Variants in GXYLT1 observed in about 807,000 individuals in gnomAD.
GXYLT1 encodes the protein glucoside xylosyltransferase 1, also known as glycosyltransferase 8 domain containing 3.
A neutral mutation model predicts 54.0 loss-of-function variants in GXYLT1; 29 were observed. The ratio of observed to expected loss-of-function variants is 0.54; its 90% CI spans 0.40 to 0.73. The LOEUF (loss-of-function observed/expected upper bound fraction) is 0.73, where lower values mean the gene tolerates loss of function less well. Ranked by LOEUF, GXYLT1 falls within the 30% of genes least tolerant of loss-of-function variation. GXYLT1 has a pLI of 0.00. For synonymous variants in GXYLT1, 176 were observed against 204.1 expected (o/e 0.86, Z 1.17); for missense variants, 490 against 553.4 (o/e 0.89, Z 1.15).
At chr12:42,109,142 T>C (rs2065437389) in intron 4 of GXYLT1, among the ~76,000 whole-genome samples, 1 of 152,202 alleles carries the variant, frequency 6.6e-6, no homozygotes, top group South Asian at 2.1e-4. Context: ...ATTGGCTTGG[T>C]ATAAGACACA....
intron 2 of GXYLT1, among the ~76,000 whole-genome samples, chr12:42,126,006 G>A (rs555288520): frequency 3.0e-4 from 45 of 151,560 alleles, no homozygotes; most frequent in South Asian, 8.4e-4. Flanking sequence ...CAGCCTGGGC[G>A]ACAAAGTGAG....
chr12:42,119,079 G>A lies in GXYLT1; in HGVS notation c.407C>T (p.Ser136Leu). 1.2e-6 allele frequency: 2 copies of A among 1,613,944 alleles called. No individual in the cohort carries two copies. The highest frequency in any genetic ancestry group is 1.7e-6 in the Non-Finnish European group (2 of 1,179,762). The change falls in exon 3 of 8, where the codon TCA becomes TTA. Residue 136 changes from serine (S) to leucine (L), a missense_variant. Physicochemically the swap from Ser to Leu is moderately radical, Grantham distance 145. This residue lies in a region of GXYLT1 where 148 missense variants were observed against 210.7 expected (regional missense o/e 0.70). Transcript: ENST00000398675. Reference protein sequence around the residue: ...RLEETMTMLKSAIIFSIKPLQ... With the variant: ...RLEETMTMLKLAIIFSIKPLQ... ...AGGTTTGATGCTGAAAATGATAGCTGACTTCAACATGGTCATAGTTTCTTC... is the reference window on the plus strand; with the variant it reads ...AGGTTTGATGCTGAAAATGATAGCTAACTTCAACATGGTCATAGTTTCTTC...
chr12:42,129,891 T>C (rs1402180003), intron 1 of GXYLT1, 40 bp from the exon 2 acceptor site: 1 of 1,379,196 alleles, frequency 7.3e-7, no homozygotes, highest in Non-Finnish European at 1.0e-6. Context: ...TGTGTGAGTA[T>C]TTTGGTTTGG....
rs2065365149 is a variant in GXYLT1, at chr12:42,097,840, A to ATTTTCCTTATC, written c.988+69_988+70insGATAAGGAAAA. Reference sequence around the variant, plus strand: ...ATATAAGACAGAATCAGATAAGTGCATGTTTTCCTTTTTCACTAAGTATTA... The same window carrying ATTTTCCTTATC: ...ATATAAGACAGAATCAGATAAGTGCATTTTCCTTATCTGTTTTCCTTTTTCACTAAGTATTA... On this transcript the variant is annotated intron_variant, in intron 6 of 7. Coordinates refer to ENST00000398675, the MANE Select transcript of GXYLT1 (RefSeq NM_173601.2). 2.5e-6 allele frequency: 3 copies of ATTTTCCTTATC among 1,187,760 alleles called. No homozygotes were observed. The East Asian group carries it at 7.1e-5, about 28-fold the overall frequency. 73.6% of individuals were successfully genotyped at this position (1,187,760 alleles called of 1,614,324 possible).
At chr12:42,116,231 A>G (rs1224673647) in intron 3 of GXYLT1, among the ~76,000 whole-genome samples, 1 of 152,084 alleles carries the variant, frequency 6.6e-6, no homozygotes, top group Non-Finnish European at 1.5e-5. Flanking sequence ...CAAGGACTTC[A>G]TGTCTAAAAC....
chr12:42,122,574 A>G (rs11181340), intron 2 of GXYLT1, among the ~76,000 whole-genome samples: 22,382 of 152,208 alleles, frequency 0.15, 1,756 homozygotes, highest in South Asian at 0.22. Flanking sequence ...TGGGCAACAG[A>G]GCGAGACTCT....
intron 3 of GXYLT1, among the ~76,000 whole-genome samples, chr12:42,110,539 A>ATTATT (rs1282718718): frequency 6.6e-6 from 1 of 152,126 alleles, no homozygotes; most frequent in Non-Finnish European, 1.5e-5. Context: ...GGTGTCTCTG[A>ATTATT]TTATTTTATT....
intron 2 of GXYLT1, among the ~76,000 whole-genome samples, chr12:42,124,524 A>G (rs906148188): frequency 6.6e-5 from 10 of 151,826 alleles, no homozygotes; most frequent in Non-Finnish European, 7.4e-5. Context: ...GAAAAAAGCT[A>G]ACTAAATGTG....
intron 3 of GXYLT1, among the ~76,000 whole-genome samples, chr12:42,112,609 C>T (rs77365647): frequency 0.14 from 21,671 of 152,106 alleles, 1,674 homozygotes; most frequent in Non-Finnish European, 0.18. Context: ...TAAAAAGAAA[C>T]GAACACAGCC....
At chr12:42,099,168 T>G (rs1277776936) in intron 5 of GXYLT1, among the ~76,000 whole-genome samples, 1 of 152,142 alleles carries the variant, frequency 6.6e-6, no homozygotes, top group Non-Finnish European at 1.5e-5. Context: ...TTTTAACAAC[T>G]GTAAGCTTTG....
At chr12:42,113,329 A>T (rs1458890259) in intron 3 of GXYLT1, among the ~76,000 whole-genome samples, 1 of 151,196 alleles carries the variant, frequency 6.6e-6, no homozygotes, top group Non-Finnish European at 1.5e-5. Context: ...TAAAAGACAC[A>T]GACTGGCAAA....
intron 5 of GXYLT1, among the ~76,000 whole-genome samples, chr12:42,100,184 C>G (rs1284549692): frequency 2.0e-5 from 3 of 152,096 alleles, no homozygotes; most frequent in Non-Finnish European, 1.5e-5. Context: ...CCTTTTAGAT[C>G]TATGTGACTC....
At chr12:42,131,149 T>G (rs2065591958) in intron 1 of GXYLT1, among the ~76,000 whole-genome samples, 1 of 152,138 alleles carries the variant, frequency 6.6e-6, no homozygotes, top group East Asian at 1.9e-4. Context: ...ACACCTTACA[T>G]TACAAAAAAA....
intron 3 of GXYLT1, among the ~76,000 whole-genome samples, chr12:42,112,504 T>A (rs1201702507): frequency 1.3e-5 from 2 of 152,098 alleles, no homozygotes; most frequent in African/African-American, 4.8e-5. Context: ...TGCAGAAGCC[T>A]CAGTAGCCAA....
chr12:42,091,003 T>C (rs1029291695), intron 7 of GXYLT1, among the ~76,000 whole-genome samples: 49 of 152,336 alleles, frequency 3.2e-4, no homozygotes, highest in African/African-American at 1.2e-3. Flanking sequence ...ACTTTAAAGA[T>C]GGTTCACATC....
intron 3 of GXYLT1, among the ~76,000 whole-genome samples, chr12:42,115,499 G>T (rs971082568): frequency 5.3e-5 from 8 of 152,240 alleles, no homozygotes; most frequent in South Asian, 2.1e-4. Context: ...GACAACTAGA[G>T]AGCCAAATCA....
Position 42,105,807 on chromosome 12 carries a change from T to C in GXYLT1, c.864+11A>G, listed in dbSNP as rs773733208. On this transcript the variant is annotated intron_variant, in intron 5 of 7. Transcript: ENST00000398675. The stretch of plus-strand genomic sequence containing the variant: ...GAGAAATGTTAACAACTACCTGTAT[T>C]AGTGACTTACCTTGAAATACTTCCT... 1.3e-6 allele frequency: 2 copies of C among 1,597,850 alleles called. No homozygotes were observed. Among genetic ancestry groups the C allele is most frequent in the African/African-American group, 1.4e-5 (1 of 73,998 alleles).
chr12:42,119,628 C>T (rs1156496335), intron 2 of GXYLT1, among the ~76,000 whole-genome samples: 2 of 151,762 alleles, frequency 1.3e-5, no homozygotes, highest in African/African-American at 2.4e-5. Context: ...GGCAACATAC[C>T]GAGATCCCAT....
chr12:42,119,242 CA>C, intron 2 of GXYLT1, 71 bp from the exon 3 acceptor site: 1 of 1,306,312 alleles, frequency 7.7e-7, no homozygotes, highest in Non-Finnish European at 1.1e-6. Flanking sequence ...TCATCATGCT[CA>C]AAAAGTGAAG....
Sources: gnomAD v4.1 joint callset for allele counts (sites outside exome capture counted in the v4.1 genomes callset) on GRCh38, gnomAD v4.1.1 for gene constraint, gnomAD v4.1.1 regional missense constraint, MANE v1.5 for transcripts, NCBI Gene and HGNC (gene_info 2026-07-23, HGNC 2026-07-21) for gene names.